Variants in GBF1 observed in about 807,000 individuals in gnomAD.
GBF1 encodes the protein Golgi-specific brefeldin A-resistance guanine nucleotide exchange factor 1.
A neutral mutation model predicts 210.5 loss-of-function variants in GBF1; 114 were observed. The observed-to-expected ratio is 0.54, with a 90% CI of 0.47 to 0.63. The LOEUF (loss-of-function observed/expected upper bound fraction) is 0.63, where lower values mean the gene tolerates loss of function less well. Among genes scored for constraint, GBF1 ranks in the 30% least tolerant of loss-of-function variants. The probability of loss-of-function intolerance (pLI) is 0.00; values close to 1 mark genes in which losing one functional copy is unlikely to be tolerated. For synonymous variants in GBF1, 850 were observed against 889.2 expected (o/e 0.96, Z 0.78); for missense variants, 1,851 against 2,357.7 (o/e 0.79, Z 4.45).
At chr10:102,245,103 C>A (rs2070694348), upstream of GBF1, among the ~76,000 whole-genome samples, 1 of 152,192 alleles carries the variant, frequency 6.6e-6, no homozygotes, top group South Asian at 2.1e-4. Context: ...GGGGCATGGT[C>A]TTGGCCCAGG....
At chr10:102,270,040 G>T (rs1331291381) in intron 3 of GBF1, among the ~76,000 whole-genome samples, 1 of 151,256 alleles carries the variant, frequency 6.6e-6, no homozygotes, top group Non-Finnish European at 1.5e-5. Context: ...CACCATGCCC[G>T]GCTAATTTTT....
At chr10:102,359,778 C>CTTT (rs57877868) in intron 11 of GBF1, among the ~76,000 whole-genome samples, 2 of 139,286 alleles carry the variant, frequency 1.4e-5, no homozygotes, top group Non-Finnish European at 3.1e-5. Context: ...AATCCTTTTC[C>CTTT]TTTTTTTTTT....
At chr10:102,369,501 C>A in intron 24 of GBF1, 114 bp downstream of exon 24, 1 of 906,300 alleles carries the variant, frequency 1.1e-6, no homozygotes, top group Non-Finnish European at 1.7e-6. Flanking sequence ...ATGCCTGCCA[C>A]AGCTCACCAG....
chr10:102,369,453 T>C lies in GBF1; in HGVS notation c.3150+66T>C, dbSNP rs993500383. 3 of 1,259,126 alleles carry C rather than the reference T, an allele frequency of 2.4e-6. No individual in the cohort carries two copies. In the Admixed American group the frequency reaches 5.6e-5, roughly 23 times the overall value. The allele number at this position is 1,259,126 out of a possible 1,614,324, so 78.0% of individuals were successfully genotyped here. A position where few individuals can be genotyped will look rare whatever the true frequency, so the allele number is the denominator to read the frequency against. On this transcript the variant is annotated intron_variant, in intron 24 of 39. Coordinates refer to ENST00000369983, the MANE Select transcript of GBF1 (RefSeq NM_001377137.1). Reference sequence around the variant, plus strand: ...GAGCTGCAACATTGTATGCTACCTGTACATAGAAGTAAGTGGTTGAGAGTA... The same window carrying C: ...GAGCTGCAACATTGTATGCTACCTGCACATAGAAGTAAGTGGTTGAGAGTA...
intron 3 of GBF1, among the ~76,000 whole-genome samples, chr10:102,326,819 T>G (rs914067478): frequency 9.9e-5 from 15 of 152,244 alleles, no homozygotes; most frequent in Non-Finnish European, 2.1e-4. Flanking sequence ...TTTTTGGAAT[T>G]TATCCATGTT....
At chr10:102,261,804 T>C (rs1396757679) in intron 3 of GBF1, among the ~76,000 whole-genome samples, 1 of 152,052 alleles carries the variant, frequency 6.6e-6, no homozygotes, top group African/African-American at 2.4e-5. Flanking sequence ...GTATTTTTAC[T>C]AGAGACGGAG....
At chr10:102,340,581 A>G (rs2058115783) in intron 3 of GBF1, among the ~76,000 whole-genome samples, 1 of 149,510 alleles carries the variant, frequency 6.7e-6, no homozygotes, top group Admixed American at 6.7e-5. Flanking sequence ...CCGTTTTTTT[A>G]ATTATTTTCT....
At chr10:102,251,626 G>T (rs961112733) in intron 1 of GBF1, among the ~76,000 whole-genome samples, 3 of 151,958 alleles carry the variant, frequency 2.0e-5, no homozygotes, top group African/African-American at 7.3e-5. Flanking sequence ...CGATCATACC[G>T]CAAGGCAACC....
intron 8 of GBF1, among the ~76,000 whole-genome samples, chr10:102,357,347 C>T (rs984896740): frequency 1.4e-4 from 22 of 151,900 alleles, no homozygotes; most frequent in Admixed American, 1.4e-3. Flanking sequence ...ATTATCCAGG[C>T]GTGGTGGTCC....
intron 3 of GBF1, among the ~76,000 whole-genome samples, chr10:102,281,120 C>A (rs2075437451): frequency 6.6e-6 from 1 of 152,120 alleles, no homozygotes; most frequent in Non-Finnish European, 1.5e-5. Context: ...AATTATCGTA[C>A]CCATGCCTTA....
chr10:102,363,220 C>A lies in GBF1; in HGVS notation c.1877-36C>A, dbSNP rs1251657589. 1 of 1,584,704 alleles carries A rather than the reference C, an allele frequency of 6.3e-7. No individual in the cohort carries two copies. Among genetic ancestry groups the A allele is most frequent in the African/African-American group, 1.3e-5 (1 of 74,618 alleles). On this transcript the variant is annotated intron_variant, in intron 15 of 39. Transcript: ENST00000369983. This position sits in a 1 kb window ranked among gnomAD's most constrained non-coding sequence, Gnocchi z 4.2. ...CTGCAGCTCTGCTTGGCTTCATACC[C>A]TATAAGTCTTCACGTATCTTCTTCT...
chr10:102,235,801 G>T, the GBF1 span, among the ~76,000 whole-genome samples: 1 of 152,168 alleles, frequency 6.6e-6, no homozygotes, highest in African/African-American at 2.4e-5. Context: ...GGTGAATGAA[G>T]GTGAGTACGC....
At chr10:102,262,128 G>A (rs761673363) in intron 3 of GBF1, among the ~76,000 whole-genome samples, 3 of 151,986 alleles carry the variant, frequency 2.0e-5, no homozygotes, top group African/African-American at 4.8e-5. Flanking sequence ...CAAGTGATCC[G>A]CCCACCTTGG....
intron 33 of GBF1, 121 bp from the exon 34 acceptor site, chr10:102,379,163 G>T (rs967292984): frequency 2.4e-6 from 2 of 846,722 alleles, no homozygotes; most frequent in Non-Finnish European, 3.7e-6. Flanking sequence ...AGGGGGTGAG[G>T]TATGGCATGA....
At chr10:102,269,826 T>G (rs2133265197) in intron 3 of GBF1, among the ~76,000 whole-genome samples, 1 of 152,218 alleles carries the variant, frequency 6.6e-6, no homozygotes, top group Admixed American at 6.5e-5. Context: ...GACTGTAGGT[T>G]GATTTGCATT....
intron 3 of GBF1, among the ~76,000 whole-genome samples, chr10:102,288,895 G>A (rs2076210351): frequency 1.3e-5 from 2 of 152,064 alleles, no homozygotes; most frequent in South Asian, 4.1e-4. Context: ...GTGGCCAGGA[G>A]TTTGAGACCA....
At chr10:102,270,444 G>A (rs2479551) in intron 3 of GBF1, among the ~76,000 whole-genome samples, 49,933 of 151,990 alleles carry the variant, frequency 0.33, 8,821 homozygotes, top group South Asian at 0.48. Flanking sequence ...CACTGTGCCC[G>A]GACTGCTCTC....
At chr10:102,302,092 G>A (rs1165971514) in intron 3 of GBF1, among the ~76,000 whole-genome samples, 12 of 152,184 alleles carry the variant, frequency 7.9e-5, no homozygotes, top group Non-Finnish European at 1.6e-4. Context: ...GCGAAACCCC[G>A]TCTCCACCAA....
At chr10:102,266,586 G>GATTGACCATGGAATGGA (rs1554945382) in intron 3 of GBF1, among the ~76,000 whole-genome samples, 1 of 152,184 alleles carries the variant, frequency 6.6e-6, no homozygotes, top group African/African-American at 2.4e-5. Context: ...GCATGGAATG[G>GATTGACCATGGAATGGA]ATGACCATGA....
Sources: gnomAD v4.1 joint callset for allele counts (sites outside exome capture counted in the v4.1 genomes callset) on GRCh38, gnomAD v4.1.1 for gene constraint, Gnocchi (gnomAD v3.1) non-coding constraint, MANE v1.5 for transcripts, NCBI Gene and HGNC (gene_info 2026-07-23, HGNC 2026-07-21) for gene names.